TANC1: variants seen among roughly 807,000 people sequenced by gnomAD.
TANC1 encodes the protein protein TANC1.
A neutral mutation model predicts 149.7 loss-of-function variants in TANC1; 77 were observed. The observed-to-expected ratio is 0.51, with a 90% CI of 0.43 to 0.62. The LOEUF is 0.62. TANC1 is among the 20% of genes least tolerant of loss of function. The pLI, the probability that TANC1 is intolerant of heterozygous loss-of-function variation, is 0.00. For synonymous variants in TANC1, 854 were observed against 925.0 expected (o/e 0.92, Z 1.39); for missense variants, 1,985 against 2,321.8 (o/e 0.85, Z 2.98).
In TANC1 at chr2:159,219,769, G is replaced by A; in HGVS notation, c.3580G>A (p.Val1194Ile). 1 of 1,614,202 alleles carries A rather than the reference G, an allele frequency of 6.2e-7. No individual in the cohort carries two copies. The highest frequency in any genetic ancestry group is 8.5e-7 in the Non-Finnish European group (1 of 1,180,036). The stretch of plus-strand genomic sequence containing the variant: ...TTGTCTGAAAGGTCACAGGGCAGTG[G>A]TCCAGTATCTGGTTGAAGAAGGAGC... ...WACLKGHRAV[V>I]QYLVEEGAAI... is the part of the protein sequence containing the mutation. The change falls in exon 22 of 27, where the codon GTC (valine) becomes ATC (isoleucine). Residue 1194 changes from valine to isoleucine, a missense_variant. By Grantham distance (29) the Val-to-Ile change is conservative (BLOSUM62 3). Around this residue, in one of 3 missense-constraint regions of TANC1, gnomAD observed 920 missense variants for 994.7 expected, o/e 0.92. Transcript: ENST00000263635.
rs893260050 is a variant in TANC1, at chr2:159,204,764, T to A, written c.3244+5711T>A. ...TGTTTTTATGTTAAGTCAGTAATAT[T>A]TTAATTGTTGAATACTTTCTAAAGG... On this transcript the variant is annotated intron_variant, in intron 19 of 26. Coordinates refer to ENST00000263635, the MANE Select transcript of TANC1 (RefSeq NM_033394.3). 7.9e-5 allele frequency among the ~76,000 whole-genome samples: 12 copies of A among 152,242 alleles called. 1 individual carries two copies. Among genetic ancestry groups the A allele is most frequent in the Admixed American group, 6.5e-4 (10 of 15,288 alleles).
chr2:159,148,176 T>A (rs1032878217), intron 5 of TANC1: 1 of 152,254 alleles, frequency 6.6e-6, no homozygotes, highest in Admixed American at 6.5e-5. Flanking sequence ...ATGTCATAGG[T>A]TACTTATTGT....
At chr2:159,171,335 CAA>C (rs1356951121) in intron 10 of TANC1, among the ~76,000 whole-genome samples, 1 of 152,182 alleles carries the variant, frequency 6.6e-6, no homozygotes, top group South Asian at 2.1e-4. Context: ...TTTTAAGACA[CAA>C]AAGAATTTAA....
chr2:159,178,473 T>C (rs2056115466), intron 13 of TANC1, 83 bp from the exon 14 acceptor site: 1 of 1,466,640 alleles, frequency 6.8e-7, no homozygotes, highest in Non-Finnish European at 9.2e-7. Flanking sequence ...GAAACAAAAC[T>C]AGTGAATCTG....
intron 5 of TANC1, 37 bp from the exon 6 acceptor site, chr2:159,149,105 A>G (rs2052480227): frequency 2.6e-6 from 4 of 1,544,686 alleles, no homozygotes; most frequent in East Asian, 4.5e-5. Context: ...GAAATTCCCC[A>G]GAGGGGCATC....
intron 22 of TANC1, among the ~76,000 whole-genome samples, chr2:159,222,691 A>G (rs1559487895): frequency 6.6e-6 from 1 of 152,318 alleles, no homozygotes; most frequent in East Asian, 1.9e-4. Flanking sequence ...ATAATGTTGC[A>G]ATGAATGTGG....
Position 159,103,139 on chromosome 2 carries a change from G to A in TANC1, c.259+5305G>A, listed in dbSNP as rs2046899756. Among the ~76,000 whole-genome samples the A allele has an allele frequency of 2.1e-5, 2 of 96,268 alleles. 1 individual carries two copies. Among genetic ancestry groups the A allele is most frequent in the Admixed American group, 2.2e-4 (2 of 9,016 alleles). The allele number at this position is 96,268 out of a possible 152,430, so 63.2% of individuals were successfully genotyped here. The stretch of plus-strand genomic sequence containing the variant: ...AATTGACCATCTTAACCATTTAAGT[G>A]TACAGTTCAGTGGTAATTACACTCA... On this transcript the variant is annotated intron_variant, in intron 4 of 26. Transcript: ENST00000263635.
chr2:159,020,447 A>AT (rs201431918), intron 2 of TANC1, among the ~76,000 whole-genome samples: 23 of 150,684 alleles, frequency 1.5e-4, no homozygotes, highest in South Asian at 1.1e-3. Context: ...CTTTAAAGTG[A>AT]TTTTTTTTTT....
chr2:159,032,056 CT>C, intron 2 of TANC1, among the ~76,000 whole-genome samples: 1 of 152,204 alleles, frequency 6.6e-6, no homozygotes, highest in Non-Finnish European at 1.5e-5. Flanking sequence ...CCTGGGGTAT[CT>C]GGGGCAGATT....
At chr2:159,127,764 A>ATGT (rs1288715548) in intron 4 of TANC1, among the ~76,000 whole-genome samples, 7 of 152,238 alleles carry the variant, frequency 4.6e-5, no homozygotes, top group African/African-American at 9.6e-5. Flanking sequence ...TGTGGGGCTT[A>ATGT]ATACCTAGGT....
intron 1 of TANC1, among the ~76,000 whole-genome samples, chr2:158,993,165 G>C (rs766630167): frequency 6.6e-6 from 1 of 152,198 alleles, no homozygotes; most frequent in East Asian, 1.9e-4. Flanking sequence ...CAGATTAAAC[G>C]GTCACACAGC....
rs774506344 is a variant in TANC1 at position 159,175,102 on chromosome 2, G to A, written c.1653G>A (p.Met551Ile). The A allele has an allele frequency of 6.2e-7, 1 of 1,614,094 alleles. No homozygotes were observed. The highest frequency in any genetic ancestry group is 8.5e-7 in the Non-Finnish European group (1 of 1,180,054). ...LLIKEPQLQS[M>I]LSLRSCVQDP... ...TAAAGGAGCCCCAACTACAGAGCAT[G>A]CTGAGCCTCCGATCCTGTGTGCAGG... Residue 551 changes from methionine to isoleucine, a missense_variant, in exon 12 of 27, where the codon ATG becomes ATA. This residue lies in a region of TANC1 where 508 missense variants were observed against 714.2 expected (regional missense o/e 0.71). Coordinates refer to ENST00000263635, the MANE Select transcript of TANC1 (RefSeq NM_033394.3).
At chr2:159,220,807 C>T (rs1559484758) in intron 22 of TANC1, among the ~76,000 whole-genome samples, 1 of 152,152 alleles carries the variant, frequency 6.6e-6, no homozygotes. Context: ...GTCTCGAACT[C>T]CTGGGCTCAA....
intron 16 of TANC1, among the ~76,000 whole-genome samples, chr2:159,190,691 A>G (rs2057376203): frequency 2.0e-5 from 3 of 152,158 alleles, no homozygotes; most frequent in Admixed American, 6.5e-5. Flanking sequence ...AGCCGGGATT[A>G]CAGGCGTGTG....
rs904618633 is a variant in TANC1, at chr2:159,141,534, C to G, written c.364+5236C>G. 2.6e-5 allele frequency among the ~76,000 whole-genome samples: 4 copies of G among 152,182 alleles called. No individual in the cohort carries two copies. The East Asian group carries it at 7.7e-4, about 29-fold the overall frequency. On this transcript the variant is annotated intron_variant, in intron 5 of 26. Transcript: ENST00000263635. ...ACGCCTTTGAGACCACATTAAGGGA[C>G]ACTGGAGGAGCAGGGACTGTGTTTT...
At chr2:159,020,829 C>G (rs1165177949) in intron 2 of TANC1, among the ~76,000 whole-genome samples, 2 of 151,662 alleles carry the variant, frequency 1.3e-5, no homozygotes, top group East Asian at 3.9e-4. Flanking sequence ...GTTATATAGA[C>G]AATCTTCTTG....
At chr2:159,093,428 T>C (rs2149876291) in intron 3 of TANC1, among the ~76,000 whole-genome samples, 1 of 152,288 alleles carries the variant, frequency 6.6e-6, no homozygotes, top group East Asian at 1.9e-4. Flanking sequence ...ACCAATATTG[T>C]ATTGTTCACG....
Position 158,990,364 on chromosome 2 carries a change from C to T in TANC1, c.-125-10716C>T, listed in dbSNP as rs189628272. ...TCAGCAGGAACTAAATTGTATCAAA[C>T]TGTAGGCAGTTTGATGAATAAGATG... On this transcript the variant is annotated intron_variant, in intron 1 of 26. Coordinates refer to ENST00000263635, the MANE Select transcript of TANC1 (RefSeq NM_033394.3). Among the ~76,000 whole-genome samples, 132 of 152,278 alleles carry T rather than the reference C, an allele frequency of 8.7e-4. 1 individual carries two copies. The highest frequency in any genetic ancestry group is 5.2e-3 in the South Asian group (25 of 4,822).
chr2:159,206,122 G>A (rs1486350139), intron 19 of TANC1, among the ~76,000 whole-genome samples: 1 of 152,246 alleles, frequency 6.6e-6, no homozygotes, highest in African/African-American at 2.4e-5. Context: ...TGGGGAGTAA[G>A]CCAGTACCCT....
Sources: gnomAD v4.1 joint callset for allele counts (sites outside exome capture counted in the v4.1 genomes callset) on GRCh38, gnomAD v4.1.1 for gene constraint, gnomAD v4.1.1 regional missense constraint, MANE v1.5 for transcripts, NCBI Gene and HGNC (gene_info 2026-07-23, HGNC 2026-07-21) for gene names.